RIPK4: variants seen among roughly 807,000 people sequenced by gnomAD.
RIPK4 encodes the protein receptor-interacting serine/threonine-protein kinase 4.
A neutral mutation model predicts 42.9 loss-of-function variants in RIPK4; 17 were observed. That is an observed-to-expected ratio of 0.40 (90% CI 0.27 to 0.59). The LOEUF (loss-of-function observed/expected upper bound fraction) is 0.59, where lower values mean the gene tolerates loss of function less well. Ranked by LOEUF, RIPK4 falls within the 20% of genes least tolerant of loss-of-function variation. The probability of loss-of-function intolerance (pLI) is 0.47; values close to 1 mark genes in which losing one functional copy is unlikely to be tolerated. For missense variants in RIPK4, 897 were observed against 1,104.4 expected, an observed-to-expected ratio of 0.81 and a Z score of 2.66; for synonymous variants, 498 against 499.1, an observed-to-expected ratio of 1.00 and a Z score of 0.03.
chr21:41,766,789 G>A (rs1202970300), intron 1 of RIPK4, 71 bp downstream of exon 1: 3 of 1,484,652 alleles, frequency 2.0e-6, no homozygotes, highest in Admixed American at 2.1e-5. Context: ...CAGGACCCCG[G>A]GACCAGAGCA....
chr21:41,748,373 T>C (rs1445315179), intron 4 of RIPK4, among the ~76,000 whole-genome samples: 3 of 152,254 alleles, frequency 2.0e-5, no homozygotes, highest in Non-Finnish European at 4.4e-5. Context: ...CCCAGAAATG[T>C]CTTTAGAGGA....
rs371594051 is a variant in RIPK4, at chr21:41,739,928, C to T, written c.*910G>A. The T allele has an allele frequency of 5.3e-5, 8 of 152,364 alleles. No homozygotes were observed. The highest frequency in any genetic ancestry group is 1.9e-4 in the African/African-American group (8 of 41,582). 9.4% of individuals were successfully genotyped at this position (152,364 alleles called of 1,614,324 possible). A position where few individuals can be genotyped will look rare whatever the true frequency, so the allele number is the denominator to read the frequency against. On this transcript the variant is annotated 3_prime_UTR_variant, in exon 8 of 8. Transcript: ENST00000332512. ...AATACTATGTAATTTTATCTTCATA[C>T]TGCGTGTGGAGATAAAAAACACAGC...
At chr21:41,756,084 C>G (rs1464460049) in intron 2 of RIPK4, among the ~76,000 whole-genome samples, 1 of 152,170 alleles carries the variant, frequency 6.6e-6, no homozygotes, top group Non-Finnish European at 1.5e-5. Context: ...GACCCCACTG[C>G]AGAGGACCCC....
chr21:41,747,685 A>G (rs1427764153), intron 4 of RIPK4, among the ~76,000 whole-genome samples: 2 of 152,224 alleles, frequency 1.3e-5, no homozygotes, highest in East Asian at 3.8e-4. Flanking sequence ...AGTGTTTAGC[A>G]GGCTATTTCC....
chr21:41,756,419 C>T, intron 2 of RIPK4, 106 bp downstream of exon 2: 1 of 1,360,238 alleles, frequency 7.4e-7, no homozygotes, highest in Non-Finnish European at 1.0e-6. Context: ...GAACCACCTC[C>T]TCTTCTGCCC....
Position 41,741,225 on chromosome 21 carries a change from G to A in RIPK4, c.1968C>T (p.Leu656=), listed in dbSNP as rs574158826. The change falls in exon 8 of 8, where the codon CTC becomes CTT. Residue 656 remains leucine, a synonymous_variant. Coordinates refer to ENST00000332512, the MANE Select transcript of RIPK4 (RefSeq NM_020639.3). ...ETGHTSTARL[L]LHRGAGKEAM... ...CCTCCTTGCCAGCGCCCCGATGCAGGAGCAGCCTGGCAGTGCTCGTGTGCC... is the reference window on the plus strand; with the variant it reads ...CCTCCTTGCCAGCGCCCCGATGCAGAAGCAGCCTGGCAGTGCTCGTGTGCC... The A allele has an allele frequency of 1.9e-6, 3 of 1,609,138 alleles. No homozygotes were observed. Among genetic ancestry groups the A allele is most frequent in the African/African-American group, 1.3e-5 (1 of 75,012 alleles).
At chr21:41,743,088 C>T (rs1036747815) in intron 7 of RIPK4, among the ~76,000 whole-genome samples, 5 of 152,170 alleles carry the variant, frequency 3.3e-5, no homozygotes, top group African/African-American at 1.2e-4. Flanking sequence ...GTTTCCAATC[C>T]ACCAGGAAAA....
At chr21:41,756,274 G>A (rs1048436633) in intron 2 of RIPK4, among the ~76,000 whole-genome samples, 30 of 152,188 alleles carry the variant, frequency 2.0e-4, no homozygotes, top group African/African-American at 7.2e-4. Flanking sequence ...CAAGATTTGG[G>A]GGAACAGCCC....
intron 1 of RIPK4, 48 bp downstream of exon 1, chr21:41,766,812 C>T: frequency 6.4e-7 from 1 of 1,566,502 alleles, no homozygotes; most frequent in Non-Finnish European, 8.7e-7. Context: ...CCGACCCCGA[C>T]CCCAGCCCGG....
chr21:41,763,856 G>A (rs2061228423), intron 1 of RIPK4, among the ~76,000 whole-genome samples: 1 of 152,204 alleles, frequency 6.6e-6, no homozygotes, highest in Non-Finnish European at 1.5e-5. Flanking sequence ...GGCTTCTTCT[G>A]AGCATCCCCT....
intron 3 of RIPK4, 118 bp downstream of exon 3, chr21:41,750,979 G>A (rs180934182): frequency 2.1e-5 from 28 of 1,337,934 alleles, no homozygotes; most frequent in African/African-American, 7.3e-5. Flanking sequence ...CGCCTGGCCC[G>A]AGCCCCATTT....
intron 3 of RIPK4, among the ~76,000 whole-genome samples, chr21:41,749,889 TAAAAAAAAAAAA>T (rs776305508): frequency 1.0e-5 from 1 of 99,398 alleles, no homozygotes; most frequent in Non-Finnish European, 2.1e-5. Context: ...CCAAATTGAT[TAAAAAAAAAAAA>T]AAAAAAAAGA....
intron 1 of RIPK4, among the ~76,000 whole-genome samples, chr21:41,763,108 C>T (rs1230220740): frequency 2.6e-5 from 4 of 152,154 alleles, no homozygotes; most frequent in Non-Finnish European, 4.4e-5. Context: ...AAAAGCCCCC[C>T]CTCCCCCGCA....
At chr21:41,745,670 C>T (rs1027256635) in intron 6 of RIPK4, 89 bp downstream of exon 6, 24 of 926,990 alleles carry the variant, frequency 2.6e-5, no homozygotes, top group Non-Finnish European at 3.5e-5. Context: ...GTGGTCCGGG[C>T]GGCGGGGGAC....
At position 41,740,912 on chromosome 21, in the gene RIPK4, T is replaced by C. The variant is rs915670310; in HGVS notation, c.2281A>G (p.Ile761Val). 6.2e-7 allele frequency: 1 copy of C among 1,612,622 alleles called. No individual in the cohort carries two copies. The highest frequency in any genetic ancestry group is 1.3e-5 in the African/African-American group (1 of 75,048). Residue 761 changes from isoleucine to valine, a missense_variant, in exon 8 of 8, where the codon ATC becomes GTC. Ile to Val is a conservative substitution (Grantham distance 29). Transcript: ENST00000332512. ...VETLLRHGAH[I>V]NLQSLKFQGG... ...TGGAACTTGAGGCTCTGCAGGTTGATGTGGGCCCCATGCCTGAGCAGAGTC... is the reference window on the plus strand; with the variant it reads ...TGGAACTTGAGGCTCTGCAGGTTGACGTGGGCCCCATGCCTGAGCAGAGTC...
At position 41,755,917 on chromosome 21, in the gene RIPK4, T is replaced by C. The variant is rs2061201943; in HGVS notation, c.474+608A>G. On this transcript the variant is annotated intron_variant, in intron 2 of 7. Coordinates refer to ENST00000332512, the MANE Select transcript of RIPK4 (RefSeq NM_020639.3). This position sits in a 1 kb window ranked among gnomAD's most constrained non-coding sequence, Gnocchi z 4.2. Reference sequence around the variant, plus strand: ...TGGTTTTCAGTTACATTATCTCTCTTACTTTTCTGTGTTTCAAAAACCTAT... The same window carrying C: ...TGGTTTTCAGTTACATTATCTCTCTCACTTTTCTGTGTTTCAAAAACCTAT... 6.6e-6 allele frequency among the ~76,000 whole-genome samples: 1 copy of C among 152,252 alleles called. No individual in the cohort carries two copies. The highest frequency in any genetic ancestry group is 1.9e-4 in the East Asian group (1 of 5,206).
chr21:41,749,334 T>C (rs913538566), intron 3 of RIPK4, 131 bp from the exon 4 acceptor site: 3 of 820,692 alleles, frequency 3.7e-6, no homozygotes, highest in Non-Finnish European at 5.9e-6. Context: ...CACCGAGATA[T>C]TTCTCCTGTT....
At chr21:41,753,410 C>T (rs182290614) in intron 2 of RIPK4, among the ~76,000 whole-genome samples, 328 of 152,276 alleles carry the variant, frequency 2.2e-3, no homozygotes, top group African/African-American at 7.3e-3. Flanking sequence ...GAAAAGAAAA[C>T]GAGCAGAAAT....
chr21:41,750,513 T>C (rs549858205), intron 3 of RIPK4, among the ~76,000 whole-genome samples: 1 of 152,152 alleles, frequency 6.6e-6, no homozygotes, highest in South Asian at 2.1e-4. Flanking sequence ...AGACAAGCCA[T>C]AAAGCCCACG....
Sources: allele counts gnomAD v4.1 joint callset (sites outside exome capture counted in the v4.1 genomes callset), GRCh38; gene constraint gnomAD v4.1.1; non-coding constraint Gnocchi (gnomAD v3.1); transcripts MANE v1.5; gene names NCBI Gene and HGNC (gene_info 2026-07-23, HGNC 2026-07-21).